Variants in LPAR1 observed in about 807,000 individuals in gnomAD.
The protein encoded by LPAR1 is lysophosphatidic acid receptor 1, also known as LPA receptor 1.
In LPAR1, 5 loss-of-function variants were observed where a neutral mutation model predicts 23.8. The ratio of observed to expected loss-of-function variants is 0.21; its 90% CI spans 0.11 to 0.44. The LOEUF is 0.44. Ranked by LOEUF, LPAR1 falls within the 20% of genes least tolerant of loss-of-function variation. The pLI, the probability that LPAR1 is intolerant of heterozygous loss-of-function variation, is 0.99. For missense variants in LPAR1, 311 were observed against 482.8 expected, an observed-to-expected ratio of 0.64 and a Z score of 3.33; for synonymous variants, 160 against 164.7, an observed-to-expected ratio of 0.97 and a Z score of 0.22.
chr9:110,925,139 G>A (rs903189796), intron 5 of LPAR1, among the ~76,000 whole-genome samples: 1 of 152,062 alleles, frequency 6.6e-6, no homozygotes, highest in Admixed American at 6.6e-5. Context: ...TATAGTTGCA[G>A]TGCTCTTTAT....
At position 110,875,719 on chromosome 9, in the gene LPAR1, G is replaced by A. The variant is rs142862362; in HGVS notation, c.797C>T (p.Ala266Val). 2 of 1,581,372 alleles carry A rather than the reference G, an allele frequency of 1.3e-6. No individual in the cohort carries two copies. Among genetic ancestry groups the A allele is most frequent in the Non-Finnish European group, 1.7e-6 (2 of 1,160,104 alleles). ...LLKTVVIVLG[A>V]FIICWTPGLV... ...TCCAGGAGTCCAGCAGATGATAAAG[G>A]CCCCTACAAGGACAAGGATAGGGAT... The change falls in exon 6 of 6, where the codon GCC becomes GTC. Residue 266 changes from alanine to valine, a missense_variant. Coordinates refer to ENST00000683809, the MANE Select transcript of LPAR1 (RefSeq NM_001351411.2).
chr9:110,896,084 C>T (rs777473635), intron 5 of LPAR1, among the ~76,000 whole-genome samples: 18 of 152,172 alleles, frequency 1.2e-4, no homozygotes, highest in Non-Finnish European at 2.4e-4. Flanking sequence ...GTAAAGTGCT[C>T]GCTTCCAGTT....
chr9:110,897,088 TCAGA>T (rs1418497056), intron 5 of LPAR1, among the ~76,000 whole-genome samples: 1 of 152,158 alleles, frequency 6.6e-6, no homozygotes, highest in Non-Finnish European at 1.5e-5. Context: ...AACTCTTTAA[TCAGA>T]CAGAGAATTT....
intron 4 of LPAR1, among the ~76,000 whole-genome samples, chr9:110,947,361 G>T (rs1301974492): frequency 6.6e-6 from 1 of 152,142 alleles, no homozygotes; most frequent in Non-Finnish European, 1.5e-5. Context: ...AAATTCAGTT[G>T]TCCTCAAAAC....
At chr9:110,957,339 CAA>C (rs35370181) in intron 4 of LPAR1, among the ~76,000 whole-genome samples, 355 of 140,448 alleles carry the variant, frequency 2.5e-3, no homozygotes, top group Admixed American at 4.0e-3. Flanking sequence ...TACTCTGTCT[CAA>C]AAAAAAAAAA....
intron 5 of LPAR1, among the ~76,000 whole-genome samples, chr9:110,919,990 C>T (rs1275372080): frequency 1.3e-5 from 2 of 152,156 alleles, no homozygotes; most frequent in Non-Finnish European, 2.9e-5. Context: ...CAAATGAGCA[C>T]AGAATCAGCA....
At chr9:110,940,017 C>T (rs1250249769) in intron 5 of LPAR1, among the ~76,000 whole-genome samples, 1 of 152,180 alleles carries the variant, frequency 6.6e-6, no homozygotes, top group East Asian at 1.9e-4. Context: ...CACAGGTGTG[C>T]TTAAGGTCCT....
intron 5 of LPAR1, among the ~76,000 whole-genome samples, chr9:110,908,267 T>C (rs1428239314): frequency 5.3e-5 from 8 of 150,114 alleles, no homozygotes; most frequent in African/African-American, 1.9e-4. Context: ...TTAAGACATT[T>C]GTTTAAATGC....
At chr9:110,939,597 C>CACTGAAG (rs1458219229) in intron 5 of LPAR1, among the ~76,000 whole-genome samples, 3 of 152,118 alleles carry the variant, frequency 2.0e-5, no homozygotes. Context: ...GGCAAATGTA[C>CACTGAAG]ACTGAAACAC....
chr9:110,895,157 G>A (rs2085876885), intron 5 of LPAR1, among the ~76,000 whole-genome samples: 1 of 152,198 alleles, frequency 6.6e-6, no homozygotes, highest in South Asian at 2.1e-4. Flanking sequence ...CCTTCAAGTA[G>A]AGGGGAACAA....
At chr9:110,935,209 C>G (rs965726287) in intron 5 of LPAR1, among the ~76,000 whole-genome samples, 1 of 152,048 alleles carries the variant, frequency 6.6e-6, no homozygotes, top group Admixed American at 6.5e-5. Flanking sequence ...TGGGACTGAA[C>G]AAGGCAGGGG....
intron 2 of LPAR1, among the ~76,000 whole-genome samples, chr9:111,013,274 C>T (rs1353044936): frequency 6.6e-6 from 1 of 152,080 alleles, no homozygotes; most frequent in Non-Finnish European, 1.5e-5. Flanking sequence ...CATCCTACCA[C>T]AAAACTAAAT....
At chr9:110,961,209 T>C (rs1363316420) in intron 4 of LPAR1, among the ~76,000 whole-genome samples, 1 of 61,406 alleles carries the variant, frequency 1.6e-5, no homozygotes, top group Non-Finnish European at 4.0e-5. Flanking sequence ...TATAACCATT[T>C]TAAGGGGAAA....
intron 5 of LPAR1, among the ~76,000 whole-genome samples, chr9:110,887,297 C>T (rs1269919891): frequency 2.2e-4 from 34 of 151,592 alleles, no homozygotes; most frequent in Admixed American, 2.0e-3. Context: ...AATCTAAAAG[C>T]GAATTCAGAA....
intron 5 of LPAR1, among the ~76,000 whole-genome samples, chr9:110,911,124 G>A (rs891779966): frequency 1.3e-5 from 2 of 152,074 alleles, no homozygotes; most frequent in African/African-American, 2.4e-5. Flanking sequence ...AGGAAGAATC[G>A]ATCAACGTGG....
intron 5 of LPAR1, among the ~76,000 whole-genome samples, chr9:110,892,031 C>T (rs533386295): frequency 4.8e-4 from 73 of 152,292 alleles, no homozygotes; most frequent in Non-Finnish European, 7.9e-4. Flanking sequence ...AGCCATTCTA[C>T]TCAATATTTA....
At chr9:110,951,287 C>G (rs532813322) in intron 4 of LPAR1, among the ~76,000 whole-genome samples, 1 of 152,076 alleles carries the variant, frequency 6.6e-6, no homozygotes, top group East Asian at 1.9e-4. Context: ...GACCAAAAAG[C>G]ATCGATAAAA....
chr9:110,903,626 G>A (rs926058941), intron 5 of LPAR1, among the ~76,000 whole-genome samples: 6 of 151,724 alleles, frequency 4.0e-5, no homozygotes, highest in Non-Finnish European at 7.4e-5. Context: ...ACTAAAAACC[G>A]ACAAAAAACA....
intron 5 of LPAR1, among the ~76,000 whole-genome samples, chr9:110,883,830 G>A (rs1187674131): frequency 1.3e-5 from 2 of 151,962 alleles, no homozygotes; most frequent in African/African-American, 4.8e-5. Context: ...TAACCCAATC[G>A]AACCCATTGA....
Sources: allele counts gnomAD v4.1 joint callset (sites outside exome capture counted in the v4.1 genomes callset), GRCh38; gene constraint gnomAD v4.1.1; transcripts MANE v1.5; gene names NCBI Gene and HGNC (gene_info 2026-07-23, HGNC 2026-07-21).